Variants in CNTLN observed in about 807,000 individuals in gnomAD.
CNTLN encodes the protein centlein, centrosomal protein.
Under a neutral mutation model 180.0 loss-of-function variants are expected in CNTLN, and 212 were observed. The ratio of observed to expected loss-of-function variants is 1.18; its 90% CI spans 1.05 to 1.32. The LOEUF is 1.32. Ranked by LOEUF, CNTLN falls within the 40% of genes most tolerant of loss-of-function variation. CNTLN has a pLI of 0.00. For missense variants in CNTLN, 2,095 were observed against 1,610.9 expected, an observed-to-expected ratio of 1.30 and a Z score of -5.14; for synonymous variants, 722 against 563.1, an observed-to-expected ratio of 1.28 and a Z score of -3.99.
chr9:17,291,580 G>C (rs569932800), intron 6 of CNTLN, among the ~76,000 whole-genome samples: 4 of 152,106 alleles, frequency 2.6e-5, no homozygotes, highest in South Asian at 4.2e-4. Flanking sequence ...TGTCTTTTTT[G>C]ATCCCTGTTG....
chr9:17,312,343 T>TATA (rs1819192993), intron 8 of CNTLN, among the ~76,000 whole-genome samples: 8 of 30,374 alleles, frequency 2.6e-4, no homozygotes, highest in Non-Finnish European at 5.0e-4. Context: ...ATTACTGTAT[T>TATA]TATATATATA....
At chr9:17,439,041 G>A (rs531330590) in intron 18 of CNTLN, among the ~76,000 whole-genome samples, 1 of 152,120 alleles carries the variant, frequency 6.6e-6, no homozygotes, top group Admixed American at 6.6e-5. Flanking sequence ...GGGAGGAATT[G>A]AGGAATGGGA....
chr9:17,319,490 A>C (rs557943117), intron 8 of CNTLN, among the ~76,000 whole-genome samples: 20 of 152,322 alleles, frequency 1.3e-4, no homozygotes, highest in African/African-American at 4.3e-4. Flanking sequence ...AAATACTTCT[A>C]GTGGGACTTT....
chr9:17,352,823 T>G (rs989922330), intron 12 of CNTLN, among the ~76,000 whole-genome samples: 1 of 152,238 alleles, frequency 6.6e-6, no homozygotes, highest in East Asian at 1.9e-4. Context: ...GTGACCTTTG[T>G]GTCTGGCTTC....
chr9:17,520,381 G>C, the CNTLN span, among the ~76,000 whole-genome samples: 10 of 152,340 alleles, frequency 6.6e-5, no homozygotes, highest in Admixed American at 6.5e-4. Context: ...TAGAGGATCA[G>C]AGAAACAGTC....
chr9:17,249,529 T>C (rs560412482), intron 5 of CNTLN, among the ~76,000 whole-genome samples: 1 of 152,052 alleles, frequency 6.6e-6, no homozygotes, highest in East Asian at 1.9e-4. Context: ...TTTTGTATTT[T>C]TAGTAGAGAC....
intron 5 of CNTLN, among the ~76,000 whole-genome samples, chr9:17,243,018 A>G (rs1246516487): frequency 6.6e-6 from 1 of 152,074 alleles, no homozygotes; most frequent in Non-Finnish European, 1.5e-5. Context: ...ATTACCTGTT[A>G]TTGATCTGTT....
intron 7 of CNTLN, among the ~76,000 whole-genome samples, chr9:17,303,078 T>G (rs1355672680): frequency 6.6e-6 from 1 of 152,334 alleles, no homozygotes; most frequent in Non-Finnish European, 1.5e-5. Flanking sequence ...GTTATTTTTA[T>G]CCCTGTTTGT....
intron 2 of CNTLN, 28 bp from the exon 3 acceptor site, chr9:17,226,175 T>C (rs775034642): frequency 1.1e-5 from 13 of 1,227,752 alleles, no homozygotes; most frequent in South Asian, 1.4e-5. Context: ...CAGTTATGAC[T>C]AATAAACTCT....
intron 2 of CNTLN, among the ~76,000 whole-genome samples, chr9:17,181,024 A>T (rs745403198): frequency 3.3e-5 from 5 of 152,148 alleles, no homozygotes; most frequent in Non-Finnish European, 7.4e-5. Flanking sequence ...ATGACTTGGT[A>T]TAGATTTATT....
chr9:17,441,764 G>A, intron 18 of CNTLN, among the ~76,000 whole-genome samples: 1 of 151,894 alleles, frequency 6.6e-6, no homozygotes, highest in East Asian at 1.9e-4. Flanking sequence ...TTGCCGAATG[G>A]ATTAAAAAAA....
intron 2 of CNTLN, among the ~76,000 whole-genome samples, chr9:17,192,101 G>T (rs1309798849): frequency 6.6e-6 from 1 of 152,114 alleles, no homozygotes; most frequent in Non-Finnish European, 1.5e-5. Flanking sequence ...GTGATTCTAT[G>T]TGTTCATAGT....
At chr9:17,438,089 C>A (rs897436755) in intron 18 of CNTLN, among the ~76,000 whole-genome samples, 2 of 152,074 alleles carry the variant, frequency 1.3e-5, no homozygotes, top group African/African-American at 4.8e-5. Context: ...ATTATTCTCA[C>A]CTAGGGAACT....
intron 5 of CNTLN, among the ~76,000 whole-genome samples, chr9:17,250,634 C>G (rs1826081572): frequency 6.6e-6 from 1 of 151,980 alleles, no homozygotes; most frequent in Admixed American, 6.6e-5. Flanking sequence ...CAGCTTTGTC[C>G]ATCCATTTTA....
the CNTLN span, among the ~76,000 whole-genome samples, chr9:17,521,265 AAGAGAGAGAG>A: frequency 8.4e-6 from 1 of 118,508 alleles, no homozygotes; most frequent in East Asian, 2.7e-4. Context: ...AAGGGAGAAA[AAGAGAGAGAG>A]AGAGAGAGAG....
chr9:17,243,408 G>A (rs566050441), intron 5 of CNTLN, among the ~76,000 whole-genome samples: 1 of 151,968 alleles, frequency 6.6e-6, no homozygotes, highest in Non-Finnish European at 1.5e-5. Context: ...TGCATTGTTA[G>A]GTTGTTTATT....
At chr9:17,395,468 A>G (rs899693026) in intron 15 of CNTLN, among the ~76,000 whole-genome samples, 2 of 152,156 alleles carry the variant, frequency 1.3e-5, no homozygotes, top group East Asian at 3.9e-4. Context: ...GTGACATACC[A>G]ACCTGGGAGG....
chr9:17,466,844 T>C lies in CNTLN; in HGVS notation c.3808T>C (p.Leu1270=), dbSNP rs569156886. ...GGTCCTAGAAGGTGCACAGAAGACATTGCTGTTAGCCAATGAAAAAGTAGA... is the reference window on the plus strand; with the variant it reads ...GGTCCTAGAAGGTGCACAGAAGACACTGCTGTTAGCCAATGAAAAAGTAGA... ...EQVLEGAQKT[L]LLANEKVEEF... is the part of the protein sequence containing the mutation. Residue 1270 remains leucine (L), a synonymous_variant, in exon 23 of 26, where the codon TTG becomes CTG. Coordinates refer to ENST00000380647, the MANE Select transcript of CNTLN (RefSeq NM_017738.4). 3.1e-6 allele frequency: 5 copies of C among 1,610,562 alleles called. No individual in the cohort carries two copies. In the African/African-American group the frequency reaches 4.0e-5, roughly 13 times the overall value.
chr9:17,214,436 A>T (rs948956773), intron 2 of CNTLN, among the ~76,000 whole-genome samples: 5 of 152,160 alleles, frequency 3.3e-5, no homozygotes, highest in Admixed American at 6.5e-5. Flanking sequence ...TGTTATTCTG[A>T]TGGGCTTCCC....
Sources: allele counts gnomAD v4.1 joint callset (sites outside exome capture counted in the v4.1 genomes callset), GRCh38; gene constraint gnomAD v4.1.1; transcripts MANE v1.5; gene names NCBI Gene and HGNC (gene_info 2026-07-23, HGNC 2026-07-21).